FSTL5: variants seen among roughly 807,000 people sequenced by gnomAD.
FSTL5 encodes follistatin-related protein 5.
In FSTL5, 62 loss-of-function variants were observed where a neutral mutation model predicts 89.1. The observed-to-expected ratio is 0.70, with a 90% CI of 0.57 to 0.86. FSTL5 has a LOEUF of 0.86. FSTL5 is among the 40% of genes least tolerant of loss of function. The probability of loss-of-function intolerance (pLI) is 0.00; values close to 1 mark genes in which losing one functional copy is unlikely to be tolerated. For missense variants in FSTL5, 1,057 were observed against 1,001.6 expected, an observed-to-expected ratio of 1.06 and a Z score of -0.75; for synonymous variants, 383 against 346.2, an observed-to-expected ratio of 1.11 and a Z score of -1.18.
chr4:161,539,249 G>A (rs1206841899), intron 9 of FSTL5, among the ~76,000 whole-genome samples: 2 of 151,564 alleles, frequency 1.3e-5, no homozygotes, highest in Admixed American at 6.6e-5. Flanking sequence ...TCAGTTACAA[G>A]AACCACACAA....
intron 3 of FSTL5, among the ~76,000 whole-genome samples, chr4:161,921,900 A>G (rs1314834085): frequency 2.0e-5 from 3 of 152,112 alleles, no homozygotes; most frequent in African/African-American, 7.2e-5. Context: ...TCCTTGTGTT[A>G]CTTACTATTA....
chr4:161,523,323 G>GTATA (rs1731099764), intron 10 of FSTL5, among the ~76,000 whole-genome samples: 1 of 152,118 alleles, frequency 6.6e-6, no homozygotes, highest in Non-Finnish European at 1.5e-5. Context: ...CCAGTCTTAT[G>GTATA]TATATATAGG....
intron 12 of FSTL5, among the ~76,000 whole-genome samples, chr4:161,485,000 A>G (rs1044842243): frequency 6.6e-6 from 1 of 152,214 alleles, no homozygotes; most frequent in Admixed American, 6.5e-5. Flanking sequence ...AAAAATAAGA[A>G]AAAGGAGTAC....
chr4:162,003,264 G>A (rs982234073), intron 3 of FSTL5, among the ~76,000 whole-genome samples: 2 of 149,712 alleles, frequency 1.3e-5, no homozygotes, highest in Non-Finnish European at 3.0e-5. Context: ...TACATTTTCT[G>A]TGTGCCAGAT....
At chr4:162,140,818 G>A (rs576657850) in intron 1 of FSTL5, among the ~76,000 whole-genome samples, 1 of 152,212 alleles carries the variant, frequency 6.6e-6, no homozygotes, top group Non-Finnish European at 1.5e-5. Context: ...AAGAATTGCT[G>A]GAGAATCTGA....
chr4:161,886,713 G>T (rs1238958803), intron 4 of FSTL5, among the ~76,000 whole-genome samples: 1 of 152,084 alleles, frequency 6.6e-6, no homozygotes. Context: ...TTATCAGAAA[G>T]CTTAGTATAC....
intron 14 of FSTL5, among the ~76,000 whole-genome samples, chr4:161,455,617 A>C (rs1162650573): frequency 1.3e-5 from 2 of 152,198 alleles, no homozygotes; most frequent in Non-Finnish European, 1.5e-5. Flanking sequence ...TATCATTGAA[A>C]AATAACCGGT....
chr4:161,745,704 T>TAAAC (rs1740177568), intron 6 of FSTL5, among the ~76,000 whole-genome samples: 1 of 151,738 alleles, frequency 6.6e-6, no homozygotes, highest in Non-Finnish European at 1.5e-5. Flanking sequence ...ATAAGATAAA[T>TAAAC]TCCTGATCTC....
At chr4:161,803,790 T>G (rs770797134) in intron 4 of FSTL5, among the ~76,000 whole-genome samples, 12 of 152,050 alleles carry the variant, frequency 7.9e-5, no homozygotes, top group Non-Finnish European at 1.6e-4. Flanking sequence ...CTAAGACAAC[T>G]CAACTGTATT....
At chr4:162,140,698 T>C (rs1732694781) in intron 1 of FSTL5, among the ~76,000 whole-genome samples, 1 of 152,132 alleles carries the variant, frequency 6.6e-6, no homozygotes, top group South Asian at 2.1e-4. Flanking sequence ...GAGATCAGTC[T>C]TAAGAGTAAC....
intron 8 of FSTL5, among the ~76,000 whole-genome samples, chr4:161,575,735 G>C (rs1733186872): frequency 6.6e-6 from 1 of 152,166 alleles, no homozygotes; most frequent in African/African-American, 2.4e-5. Flanking sequence ...TACAAGGCGT[G>C]AGCCACCGTG....
chr4:161,740,799 G>A (rs954762493), intron 6 of FSTL5, among the ~76,000 whole-genome samples: 1 of 152,158 alleles, frequency 6.6e-6, no homozygotes, highest in Non-Finnish European at 1.5e-5. Flanking sequence ...TTGGGCTGCG[G>A]TAACAACACA....
At chr4:162,035,469 T>C (rs1379557450) in intron 2 of FSTL5, 1 of 152,074 alleles carries the variant, frequency 6.6e-6, no homozygotes, top group Non-Finnish European at 1.5e-5. Flanking sequence ...CAAATTGTCC[T>C]GAGTTACATA....
chr4:161,444,332 T>C (rs1401847512), intron 15 of FSTL5, among the ~76,000 whole-genome samples: 1 of 151,850 alleles, frequency 6.6e-6, no homozygotes, highest in Non-Finnish European at 1.5e-5. Flanking sequence ...GACACAACAC[T>C]ATATTTTTTC....
Position 161,753,307 on chromosome 4 carries a change from C to T in FSTL5, c.727+6104G>A, listed in dbSNP as rs576353916. On this transcript the variant is annotated intron_variant, in intron 6 of 15. Coordinates refer to ENST00000306100, the MANE Select transcript of FSTL5 (RefSeq NM_020116.5). Reference sequence around the variant, plus strand: ...CTAAATTTGCATCTCTTCCCGTGACCCCTGCTTTAATAAACAGAAACACCA... The same window carrying T: ...CTAAATTTGCATCTCTTCCCGTGACTCCTGCTTTAATAAACAGAAACACCA... 8.0e-4 allele frequency among the ~76,000 whole-genome samples: 122 copies of T among 152,146 alleles called. 1 individual carries two copies. The highest frequency in any genetic ancestry group is 2.8e-3 in the African/African-American group (116 of 41,498).
At chr4:161,461,343 TC>T (rs1358900555) in intron 13 of FSTL5, among the ~76,000 whole-genome samples, 3 of 147,908 alleles carry the variant, frequency 2.0e-5, no homozygotes, top group Admixed American at 6.8e-5. Context: ...GCGCCTGTAG[TC>T]CCAGCTGCTC....
intron 1 of FSTL5, among the ~76,000 whole-genome samples, chr4:162,132,936 T>A (rs1470913547): frequency 6.6e-6 from 1 of 152,188 alleles, no homozygotes; most frequent in Non-Finnish European, 1.5e-5. Flanking sequence ...AAAGTGGTAG[T>A]AATGTAATTT....
intron 4 of FSTL5, among the ~76,000 whole-genome samples, chr4:161,821,000 T>C (rs1255124887): frequency 6.6e-6 from 1 of 151,938 alleles, no homozygotes; most frequent in Non-Finnish European, 1.5e-5. Context: ...TATTTGTACA[T>C]TTTTTAAGAT....
At chr4:161,970,363 CTT>C (rs1399804124) in intron 3 of FSTL5, among the ~76,000 whole-genome samples, 4 of 152,008 alleles carry the variant, frequency 2.6e-5, no homozygotes, top group Admixed American at 6.6e-5. Flanking sequence ...TATGGAAACA[CTT>C]TGATTCTGAA....
Sources: gnomAD v4.1 joint callset for allele counts (sites outside exome capture counted in the v4.1 genomes callset) on GRCh38, gnomAD v4.1.1 for gene constraint, MANE v1.5 for transcripts, NCBI Gene and HGNC (gene_info 2026-07-23, HGNC 2026-07-21) for gene names.